PDE4D: variants seen among roughly 807,000 people sequenced by gnomAD.
The protein encoded by PDE4D is 3',5'-cyclic-AMP phosphodiesterase 4D.
A neutral mutation model predicts 87.4 loss-of-function variants in PDE4D; 24 were observed. The ratio of observed to expected loss-of-function variants is 0.27; its 90% CI spans 0.20 to 0.39. The LOEUF (loss-of-function observed/expected upper bound fraction) is 0.39, where lower values mean the gene tolerates loss of function less well. PDE4D is among the 10% of genes least tolerant of loss of function. The pLI is 1.00. For synonymous variants in PDE4D, 384 were observed against 383.2 expected (o/e 1.00, Z -0.02); for missense variants, 714 against 1,041.0 (o/e 0.69, Z 4.32).
At chr5:59,768,680 GCACTCCTCCGCGGAAGCGTATTAAACGT>G (rs1459928385) in intron 1 of PDE4D, 3 of 1,454,366 alleles carry the variant, frequency 2.1e-6, no homozygotes, top group Admixed American at 2.5e-5. Flanking sequence ...GGAGGCGAGC[GCACTCCTCCGCGGAAGCGTATTAAACGT>G]CACCCCTCCT....
At chr5:60,172,265 T>TAAAC (rs1554175625) in intron 2 of PDE4D, among the ~76,000 whole-genome samples, 39 of 140,964 alleles carry the variant, frequency 2.8e-4, no homozygotes, top group Admixed American at 1.7e-3. Flanking sequence ...AGTACTTCAA[T>TAAAC]ACACACACAC....
At chr5:60,190,814 C>T (rs1199042668) in intron 1 of PDE4D, among the ~76,000 whole-genome samples, 1 of 152,180 alleles carries the variant, frequency 6.6e-6, no homozygotes, top group African/African-American at 2.4e-5. Flanking sequence ...CTACCTGTAA[C>T]CACAAGGATG....
intron 1 of PDE4D, among the ~76,000 whole-genome samples, chr5:60,391,555 T>C (rs1231777371): frequency 6.6e-6 from 1 of 152,228 alleles, no homozygotes; most frequent in Non-Finnish European, 1.5e-5. Context: ...TGGCCCTTTT[T>C]TCCATTTTTA....
chr5:59,040,640 T>C (rs1176095031), intron 5 of PDE4D, among the ~76,000 whole-genome samples: 1 of 152,232 alleles, frequency 6.6e-6, no homozygotes, highest in African/African-American at 2.4e-5. Flanking sequence ...GGAGAACTTT[T>C]CTACATTAGC....
intron 1 of PDE4D, among the ~76,000 whole-genome samples, chr5:59,288,501 A>T (rs1243094976): frequency 6.6e-6 from 1 of 152,088 alleles, no homozygotes; most frequent in African/African-American, 2.4e-5. Flanking sequence ...ACCTTAAAAA[A>T]AAGTTAGAAA....
chr5:60,127,811 A>AATTC, intron 2 of PDE4D: 1 of 445,924 alleles, frequency 2.2e-6, no homozygotes. Flanking sequence ...ATATGGGCTG[A>AATTC]ATATACAAAT....
intron 1 of PDE4D, among the ~76,000 whole-genome samples, chr5:60,479,529 TAA>T (rs1454189706): frequency 2.0e-5 from 3 of 152,218 alleles, no homozygotes; most frequent in Admixed American, 1.3e-4. Flanking sequence ...TGGAGACTAC[TAA>T]ATGTAGTAAC....
At chr5:59,115,769 T>C (rs1326573637) in intron 5 of PDE4D, among the ~76,000 whole-genome samples, 3 of 152,178 alleles carry the variant, frequency 2.0e-5, no homozygotes, top group Admixed American at 1.3e-4. Context: ...CAACACATAA[T>C]GTACATATAG....
intron 1 of PDE4D, among the ~76,000 whole-genome samples, chr5:59,233,510 G>A (rs1329304478): frequency 6.6e-6 from 1 of 152,130 alleles, no homozygotes; most frequent in African/African-American, 2.4e-5. Flanking sequence ...AGTGGGATCA[G>A]GATGAGTTGG....
chr5:59,900,065 C>A (rs77001836), intron 3 of PDE4D, among the ~76,000 whole-genome samples: 1 of 151,924 alleles, frequency 6.6e-6, no homozygotes. Context: ...CATGGTGAAA[C>A]CCTGTCTCTA....
intron 1 of PDE4D, among the ~76,000 whole-genome samples, chr5:59,734,867 G>A (rs1259968286): frequency 6.6e-6 from 1 of 152,172 alleles, no homozygotes; most frequent in East Asian, 1.9e-4. Flanking sequence ...AGACTGCAAT[G>A]TCTGTAATTG....
intron 2 of PDE4D, among the ~76,000 whole-genome samples, chr5:60,051,557 T>C (rs192463774): frequency 1.3e-5 from 2 of 152,208 alleles, no homozygotes. Context: ...GGGAAATTTA[T>C]AGGACCAAAT....
At chr5:59,618,922 A>T (rs1443174621) in intron 1 of PDE4D, among the ~76,000 whole-genome samples, 2 of 152,114 alleles carry the variant, frequency 1.3e-5, no homozygotes, top group Non-Finnish European at 2.9e-5. Flanking sequence ...AGCCCTCGCA[A>T]GATGCTGGCA....
At chr5:59,826,418 A>C (rs762417657) in intron 1 of PDE4D, among the ~76,000 whole-genome samples, 2 of 152,190 alleles carry the variant, frequency 1.3e-5, no homozygotes, top group African/African-American at 2.4e-5. Context: ...CAAGTTGTGC[A>C]CATGAAAAAC....
At chr5:59,531,140 C>T (rs1207390306) in intron 1 of PDE4D, among the ~76,000 whole-genome samples, 1 of 152,172 alleles carries the variant, frequency 6.6e-6, no homozygotes, top group East Asian at 1.9e-4. Context: ...ACATGGTTCC[C>T]AGGTGAAGCT....
At chr5:59,804,536 G>A (rs534157981) in intron 1 of PDE4D, among the ~76,000 whole-genome samples, 1 of 152,136 alleles carries the variant, frequency 6.6e-6, no homozygotes, top group African/African-American at 2.4e-5. Context: ...CCCAGTAGTG[G>A]GTTAAACCCT....
chr5:60,519,715 G>C (rs1750953388), intron 1 of PDE4D, among the ~76,000 whole-genome samples: 2 of 152,174 alleles, frequency 1.3e-5, no homozygotes. Flanking sequence ...CTTTGGAGGA[G>C]GCTTTTCCTT....
At chr5:59,528,870 C>T (rs1813641125) in intron 1 of PDE4D, 1 of 297,028 alleles carries the variant, frequency 3.4e-6, no homozygotes, top group South Asian at 3.0e-5. Context: ...AAATGTCATT[C>T]CCAAAGTTTA....
intron 1 of PDE4D, among the ~76,000 whole-genome samples, chr5:59,636,356 T>C (rs1012626001): frequency 2.0e-5 from 3 of 152,180 alleles, no homozygotes; most frequent in African/African-American, 7.2e-5. Flanking sequence ...ACCATTGACT[T>C]TCTTCACAGA....
Sources: allele counts gnomAD v4.1 joint callset (sites outside exome capture counted in the v4.1 genomes callset), GRCh38; gene constraint gnomAD v4.1.1; transcripts MANE v1.5; gene names NCBI Gene and HGNC (gene_info 2026-07-23, HGNC 2026-07-21).